Variants in PHLPP1 observed in about 807,000 individuals in gnomAD.
PHLPP1 encodes PH domain and leucine rich repeat protein phosphatase 1.
A neutral mutation model predicts 117.2 loss-of-function variants in PHLPP1; 42 were observed. That is an observed-to-expected ratio of 0.36 (90% CI 0.28 to 0.46). PHLPP1 has a LOEUF of 0.46. Among genes scored for constraint, PHLPP1 ranks in the 20% least tolerant of loss-of-function variants. The pLI is 1.00. For synonymous variants in PHLPP1, 1,042 were observed against 970.7 expected (o/e 1.07, Z -1.37); for missense variants, 2,084 against 2,241.9 (o/e 0.93, Z 1.42).
At chr18:62,916,744 A>ATTTTTTTT (rs1909290526) in intron 9 of PHLPP1, among the ~76,000 whole-genome samples, 1 of 93,738 alleles carries the variant, frequency 1.1e-5, no homozygotes, top group Non-Finnish European at 2.1e-5. Flanking sequence ...CTTTCCTTCT[A>ATTTTTTTT]TTCTTTTTTT....
chr18:62,888,596 G>A (rs510840), intron 4 of PHLPP1, among the ~76,000 whole-genome samples: 48,090 of 151,914 alleles, frequency 0.32, 8,069 homozygotes, highest in Non-Finnish European at 0.37. Context: ...AGCTACTTGC[G>A]AGGCTGAGGT....
chr18:62,767,055 A>G (rs976101276), intron 1 of PHLPP1, among the ~76,000 whole-genome samples: 4 of 152,244 alleles, frequency 2.6e-5, no homozygotes, highest in Non-Finnish European at 4.4e-5. Flanking sequence ...AGATCCTTGG[A>G]TTACAAGAAA....
At chr18:62,749,888 T>TG (rs1448684593) in intron 1 of PHLPP1, among the ~76,000 whole-genome samples, 1 of 152,188 alleles carries the variant, frequency 6.6e-6, no homozygotes, top group African/African-American at 2.4e-5. Flanking sequence ...TGGTGGCACA[T>TG]GCCTGTAGTT....
chr18:62,788,315 A>G (rs1258176826), intron 1 of PHLPP1, among the ~76,000 whole-genome samples: 2 of 152,128 alleles, frequency 1.3e-5, no homozygotes, highest in Non-Finnish European at 2.9e-5. Context: ...AGGGACTAGA[A>G]TGGTGGGAAT....
intron 12 of PHLPP1, among the ~76,000 whole-genome samples, chr18:62,945,774 G>A (rs1238136101): frequency 2.6e-5 from 4 of 152,158 alleles, no homozygotes; most frequent in East Asian, 3.8e-4. Context: ...TGATTTCAAC[G>A]GAATGAAATT....
At position 62,735,969 on chromosome 18, in the gene PHLPP1, TA is replaced by T. The variant is rs35683669; in HGVS notation, c.1576+18721del. 8.4e-3 allele frequency among the ~76,000 whole-genome samples: 1,214 copies of T among 144,838 alleles called. 18 individuals are homozygous for T. The highest frequency in any genetic ancestry group is 0.029 in the African/African-American group (1,139 of 39,508). On this transcript the variant is annotated intron_variant, in intron 1 of 16. Coordinates refer to ENST00000262719, the MANE Select transcript of PHLPP1 (RefSeq NM_194449.4). ...ATAATAATAATAATACATAAAAAAT[TA>T]AAAAAAAAAAGAGTATAGCTTTGCC...
At chr18:62,824,580 A>G (rs981400248) in intron 1 of PHLPP1, among the ~76,000 whole-genome samples, 2 of 152,026 alleles carry the variant, frequency 1.3e-5, no homozygotes, top group African/African-American at 4.8e-5. Context: ...GTGTAGATAC[A>G]TCATATCTTA....
intron 1 of PHLPP1, among the ~76,000 whole-genome samples, chr18:62,827,367 A>G (rs2144328781): frequency 6.6e-6 from 1 of 152,238 alleles, no homozygotes. Flanking sequence ...AGTGTTTATT[A>G]GAGAATAGGG....
chr18:62,771,446 G>A (rs1465455937), intron 1 of PHLPP1, among the ~76,000 whole-genome samples: 1 of 152,150 alleles, frequency 6.6e-6, no homozygotes, highest in African/African-American at 2.4e-5. Flanking sequence ...AAGCAGAAAA[G>A]CATCAACAGA....
At chr18:62,823,432 C>T (rs1260977839) in intron 1 of PHLPP1, among the ~76,000 whole-genome samples, 3 of 151,802 alleles carry the variant, frequency 2.0e-5, no homozygotes, top group African/African-American at 7.3e-5. Flanking sequence ...GGCATGGTGG[C>T]GGGCACCTGT....
At chr18:62,764,174 A>AC (rs1405844840) in intron 1 of PHLPP1, among the ~76,000 whole-genome samples, 1 of 151,230 alleles carries the variant, frequency 6.6e-6, no homozygotes, top group African/African-American at 2.4e-5. Context: ...AAAAAAAAAA[A>AC]AAAAAAAAAC....
intron 11 of PHLPP1, among the ~76,000 whole-genome samples, chr18:62,942,256 C>G (rs1051418718): frequency 2.0e-5 from 3 of 152,030 alleles, no homozygotes; most frequent in African/African-American, 7.2e-5. Flanking sequence ...TGTGGCAGTG[C>G]GTGCCTGTAG....
intron 1 of PHLPP1, among the ~76,000 whole-genome samples, chr18:62,821,578 A>G (rs1347259828): frequency 6.7e-6 from 1 of 149,980 alleles, no homozygotes; most frequent in Non-Finnish European, 1.5e-5. Context: ...AAAAGAAAAG[A>G]AAAAAGAAAA....
At chr18:62,805,994 T>C (rs1344354204) in intron 1 of PHLPP1, among the ~76,000 whole-genome samples, 1 of 152,168 alleles carries the variant, frequency 6.6e-6, no homozygotes, top group Non-Finnish European at 1.5e-5. Flanking sequence ...TCTCTTTTAA[T>C]AGAAGTAATG....
In PHLPP1 at chr18:62,838,811, T is replaced by C; in HGVS notation, c.1801T>C (p.Cys601Arg). ...AGAAGAAGTGAAAAAGCACCAACAC[T>C]GTTTAGCATTTAGCTCCTCTGGACC... ...KVEEVKKHQH[C>R]LAFSSSGPQS... The change falls in exon 3 of 17, where the codon TGT becomes CGT. Residue 601 changes from cysteine to arginine, a missense_variant. Transcript: ENST00000262719. 6.2e-7 allele frequency: 1 copy of C among 1,613,866 alleles called. No individual in the cohort carries two copies.
chr18:62,847,687 A>C (rs1355021886), intron 3 of PHLPP1, among the ~76,000 whole-genome samples: 6 of 152,180 alleles, frequency 3.9e-5, no homozygotes, highest in African/African-American at 1.4e-4. Context: ...TTTTCTTTGA[A>C]AGCATTCTTT....
At chr18:62,873,343 TAAGA>T (rs1199117904) in intron 4 of PHLPP1, among the ~76,000 whole-genome samples, 1 of 152,222 alleles carries the variant, frequency 6.6e-6, no homozygotes, top group Admixed American at 6.5e-5. Flanking sequence ...CCAACCAGTT[TAAGA>T]AAGAAGCCTG....
chr18:62,955,482 G>C (rs1763102386), intron 12 of PHLPP1, among the ~76,000 whole-genome samples: 1 of 152,106 alleles, frequency 6.6e-6, no homozygotes, highest in Admixed American at 6.5e-5. Context: ...GGGGGAAATG[G>C]GATGCAGGTC....
At chr18:62,952,661 C>T (rs1034423994) in intron 12 of PHLPP1, among the ~76,000 whole-genome samples, 1 of 152,208 alleles carries the variant, frequency 6.6e-6, no homozygotes, top group African/African-American at 2.4e-5. Flanking sequence ...GGGTCTTGCT[C>T]TGTTGCGCAT....
Sources: gnomAD v4.1 joint callset for allele counts (sites outside exome capture counted in the v4.1 genomes callset) on GRCh38, gnomAD v4.1.1 for gene constraint, MANE v1.5 for transcripts, NCBI Gene and HGNC (gene_info 2026-07-23, HGNC 2026-07-21) for gene names.